PLEKHA7: variants seen among roughly 807,000 people sequenced by gnomAD.
The protein encoded by PLEKHA7 is pleckstrin homology domain containing A7.
In PLEKHA7, 104 loss-of-function variants were observed where a neutral mutation model predicts 170.0. The observed-to-expected ratio is 0.61, with a 90% CI of 0.52 to 0.72. The LOEUF (loss-of-function observed/expected upper bound fraction) is 0.72. Ranked by LOEUF, PLEKHA7 falls within the 30% of genes least tolerant of loss-of-function variation. PLEKHA7 has a pLI of 0.00. For missense variants in PLEKHA7, 1,615 were observed against 1,671.7 expected, an observed-to-expected ratio of 0.97 and a Z score of 0.59; for synonymous variants, 648 against 660.8, an observed-to-expected ratio of 0.98 and a Z score of 0.30.
chr11:16,817,122 TGCGCCCGGC>T lies in PLEKHA7; in HGVS notation c.1535_1543del (p.Arg512_Ala514del), dbSNP rs974276193. 2 of 1,614,168 alleles carry T rather than the reference TGCGCCCGGC, an allele frequency of 1.2e-6. No homozygotes were observed. The highest frequency in any genetic ancestry group is 1.7e-6 in the Non-Finnish European group (2 of 1,180,024). ...GAGCTGCCACACGGTGCCATCCCGG[TGCGCCCGGC>T]GCTCTTCACTCGACATCTTCAGGTG... On this transcript the variant is annotated inframe_deletion, in exon 11 of 27. Coordinates refer to ENST00000531066, the MANE Select transcript of PLEKHA7 (RefSeq NM_001329630.2). This position sits in a 1 kb window ranked among gnomAD's most constrained non-coding sequence, Gnocchi z 4.4.
At chr11:16,812,996 T>G in intron 13 of PLEKHA7, 117 bp downstream of exon 13, 1 of 754,698 alleles carries the variant, frequency 1.3e-6, no homozygotes, top group Non-Finnish European at 2.2e-6. Flanking sequence ...ACATATTGAT[T>G]TAGAATTCAG....
Position 16,782,999 on chromosome 11 carries a change from G to T in PLEKHA7, c.3651-103C>A, listed in dbSNP as rs1468853591. The stretch of plus-strand genomic sequence containing the variant: ...TAGAGGTTCTCAACATTTTGAGGGG[G>T]ATCAGACAAAAACTGTGGTACTTTC... On this transcript the variant is annotated intron_variant, in intron 25 of 26. Coordinates refer to ENST00000531066, the MANE Select transcript of PLEKHA7 (RefSeq NM_001329630.2). The T allele has an allele frequency of 3.3e-5, 42 of 1,266,386 alleles. 1 individual carries two copies. In the South Asian group the frequency reaches 5.3e-4, roughly 16 times the overall value. 78.4% of individuals were successfully genotyped at this position (1,266,386 alleles called of 1,614,324 possible).
At chr11:16,930,396 T>C (rs544755755) in intron 3 of PLEKHA7, among the ~76,000 whole-genome samples, 3 of 151,938 alleles carry the variant, frequency 2.0e-5, no homozygotes, top group Middle Eastern at 6.8e-3. Flanking sequence ...CAATGAGCTA[T>C]GATTGTGCCA....
chr11:16,850,345 C>T (rs766885253), intron 8 of PLEKHA7, among the ~76,000 whole-genome samples: 2 of 152,236 alleles, frequency 1.3e-5, no homozygotes, highest in Non-Finnish European at 2.9e-5. Context: ...CAAGAGAGGG[C>T]CATGCCCTGT....
intron 3 of PLEKHA7, among the ~76,000 whole-genome samples, chr11:16,997,418 G>A (rs1033449831): frequency 2.0e-5 from 3 of 152,102 alleles, no homozygotes; most frequent in Non-Finnish European, 2.9e-5. Context: ...TCTTAACTTT[G>A]TCTGAGTGGG....
intron 3 of PLEKHA7, among the ~76,000 whole-genome samples, chr11:17,002,042 G>C (rs1468186362): frequency 2.0e-5 from 3 of 152,192 alleles, no homozygotes; most frequent in Non-Finnish European, 2.9e-5. Flanking sequence ...TGGCGGGAGA[G>C]GGTGCCTCTC....
In PLEKHA7 at chr11:17,014,385, A is replaced by G. The variant is rs746752642; in HGVS notation, c.17T>C (p.Val6Ala). 258 of 1,251,362 alleles carry G rather than the reference A, an allele frequency of 2.1e-4. No homozygotes were observed. The highest frequency in any genetic ancestry group is 2.3e-4 in the Non-Finnish European group (224 of 978,152). 77.5% of individuals were successfully genotyped at this position (1,251,362 alleles called of 1,614,324 possible). The change falls in exon 1 of 27, where the codon GTC (valine) becomes GCC (alanine). Residue 6 changes from valine (V) to alanine (A), a missense_variant. Physicochemically the swap from Val to Ala is moderately conservative, Grantham distance 64. Coordinates refer to ENST00000531066, the MANE Select transcript of PLEKHA7 (RefSeq NM_001329630.2). ...ATGCTCAGGTAAAGTGTCCCGCCCG[A>G]CCGTCGCCGCCGCCATGTTCGCCGA... MAAAT[V>A]GRDTLPEHWS...
At chr11:16,868,901 T>C (rs1347215842) in intron 4 of PLEKHA7, among the ~76,000 whole-genome samples, 1 of 152,178 alleles carries the variant, frequency 6.6e-6, no homozygotes, top group South Asian at 2.1e-4. Flanking sequence ...CAAAAGGAAT[T>C]GTGTGTGACA....
intron 3 of PLEKHA7, among the ~76,000 whole-genome samples, chr11:16,923,231 G>A (rs1013069271): frequency 3.3e-5 from 5 of 152,208 alleles, no homozygotes; most frequent in African/African-American, 4.8e-5. Flanking sequence ...AAGGTGAGAC[G>A]TTAGACGGCT....
chr11:16,870,748 T>A (rs541650107), intron 4 of PLEKHA7, among the ~76,000 whole-genome samples: 44 of 151,980 alleles, frequency 2.9e-4, no homozygotes, highest in African/African-American at 1.1e-3. Flanking sequence ...TACAGGTGTG[T>A]GCCAGCTATA....
In PLEKHA7 at chr11:16,802,548, T is replaced by C. The variant is rs1366059909; in HGVS notation, c.2157+424A>G. On this transcript the variant is annotated intron_variant, in intron 15 of 26. Coordinates refer to ENST00000531066, the MANE Select transcript of PLEKHA7 (RefSeq NM_001329630.2). ...AGAAACACCATTTAAACACAAAGGC[T>C]TTTTTTTTTTTCCTCCTGAGACGAA... 7.1e-5 allele frequency among the ~76,000 whole-genome samples: 7 copies of C among 98,422 alleles called. No homozygotes were observed. The South Asian group carries it at 1.3e-3, about 19-fold the overall frequency. 64.6% of individuals were successfully genotyped at this position (98,422 alleles called of 152,430 possible).
chr11:16,826,483 CG>C lies in PLEKHA7; in HGVS notation c.979del (p.Arg327ValfsTer179). 1 of 1,614,226 alleles carries C rather than the reference CG, an allele frequency of 6.2e-7. No homozygotes were observed. The highest frequency in any genetic ancestry group is 8.5e-7 in the Non-Finnish European group (1 of 1,180,056). ...GAAGTTGACAATGTCATCATGGCCA[CG>C]ATGAGGACAATCTCTCGTATGTCCG... The part of the protein sequence containing the change: ...GPGHTRDCPH[R>X]GHDDIVNFER... On this transcript the variant is annotated frameshift_variant, in exon 10 of 27. Transcript: ENST00000531066. LOFTEE classifies it high-confidence loss of function.
At chr11:16,819,757 A>G (rs1850068570) in intron 10 of PLEKHA7, among the ~76,000 whole-genome samples, 1 of 152,232 alleles carries the variant, frequency 6.6e-6, no homozygotes, top group African/African-American at 2.4e-5. Flanking sequence ...TCAAACTCAT[A>G]GAAGAACAGA....
intron 10 of PLEKHA7, among the ~76,000 whole-genome samples, chr11:16,824,109 A>G (rs1417824237): frequency 4.6e-5 from 7 of 152,210 alleles, no homozygotes; most frequent in Admixed American, 4.6e-4. Context: ...GAGGCTGGGA[A>G]GGGTAGTGGG....
At chr11:16,973,807 C>T (rs895508836) in intron 3 of PLEKHA7, among the ~76,000 whole-genome samples, 5 of 152,134 alleles carry the variant, frequency 3.3e-5, no homozygotes, top group African/African-American at 9.7e-5. Flanking sequence ...CCTCCCCATC[C>T]ACTGTGAGTA....
intron 6 of PLEKHA7, among the ~76,000 whole-genome samples, chr11:16,852,820 T>C (rs1853089527): frequency 1.3e-5 from 2 of 152,234 alleles, no homozygotes; most frequent in South Asian, 4.1e-4. Flanking sequence ...CTGTGCCATA[T>C]AGGATGTATT....
chr11:16,957,191 T>G (rs976486577), intron 3 of PLEKHA7, among the ~76,000 whole-genome samples: 2 of 152,224 alleles, frequency 1.3e-5, no homozygotes, highest in African/African-American at 2.4e-5. Flanking sequence ...CAAGAATACA[T>G]GTTCTTGTTA....
At chr11:16,890,153 T>C (rs562462665) in intron 3 of PLEKHA7, among the ~76,000 whole-genome samples, 5 of 152,070 alleles carry the variant, frequency 3.3e-5, no homozygotes, top group Non-Finnish European at 7.4e-5. Context: ...CTCAAAGGAA[T>C]TCTAAACATG....
chr11:16,954,864 G>T (rs1480009473), intron 3 of PLEKHA7, among the ~76,000 whole-genome samples: 1 of 151,848 alleles, frequency 6.6e-6, no homozygotes, highest in Non-Finnish European at 1.5e-5. Flanking sequence ...CTAATTTTTT[G>T]TATTTTTATT....
Sources: gnomAD v4.1 joint callset for allele counts (sites outside exome capture counted in the v4.1 genomes callset) on GRCh38, gnomAD v4.1.1 for gene constraint, Gnocchi (gnomAD v3.1) non-coding constraint, MANE v1.5 for transcripts, NCBI Gene and HGNC (gene_info 2026-07-23, HGNC 2026-07-21) for gene names.